Variants in CRK observed in about 807,000 individuals in gnomAD.
CRK encodes the protein adapter molecule crk.
A neutral mutation model predicts 29.8 loss-of-function variants in CRK; 4 were observed. The observed-to-expected ratio is 0.13, with a 90% CI of 0.07 to 0.31. The LOEUF (loss-of-function observed/expected upper bound fraction) is 0.31. Ranked by LOEUF, CRK falls within the 10% of genes least tolerant of loss-of-function variation. CRK has a pLI of 1.00. For missense variants in CRK, 274 were observed against 396.5 expected (o/e 0.69, Z 2.62); for synonymous variants, 153 against 164.9 (o/e 0.93, Z 0.55).
intron 2 of CRK, among the ~76,000 whole-genome samples, chr17:1,427,016 A>G (rs1598292708): frequency 8.6e-6 from 1 of 116,448 alleles, no homozygotes; most frequent in Non-Finnish European, 1.7e-5. Flanking sequence ...TGGGCGACAG[A>G]GCAAAACTGT....
At position 1,456,024 on chromosome 17, in the gene CRK, G is replaced by A; in HGVS notation, c.94C>T (p.His32Tyr). 1 of 1,597,278 alleles carries A rather than the reference G, an allele frequency of 6.3e-7. No individual in the cohort carries two copies. Among genetic ancestry groups the A allele is most frequent in the Non-Finnish European group, 8.5e-7 (1 of 1,173,822 alleles). ...EAVALLQGQR[H>Y]GVFLVRDSST... ...GAGTCCCGCACCAGGAACACCCCGT[G>A]CCGCTGGCCCTGCAGCAGCGCCACC... Residue 32 changes from histidine to tyrosine, a missense_variant, in exon 1 of 3, where the codon CAC becomes TAC. By Grantham distance (83) the His-to-Tyr change is moderately conservative. Around this residue, in one of 3 missense-constraint regions of CRK, gnomAD observed 135 missense variants for 180.9 expected, o/e 0.75. Transcript: ENST00000300574.
chr17:1,437,179 T>C (rs2073893182), intron 1 of CRK, 24 bp from the exon 2 acceptor site: 1 of 1,562,916 alleles, frequency 6.4e-7, no homozygotes, highest in South Asian at 1.2e-5. Context: ...AGCAGGCTGT[T>C]ATTTAATGAT....
At chr17:1,441,012 T>C (rs1196383636) in intron 1 of CRK, among the ~76,000 whole-genome samples, 1 of 151,988 alleles carries the variant, frequency 6.6e-6, no homozygotes, top group Non-Finnish European at 1.5e-5. Flanking sequence ...CTCAGCTGAG[T>C]GCAACCTCTA....
At chr17:1,444,366 C>T (rs2073957426) in intron 1 of CRK, among the ~76,000 whole-genome samples, 2 of 152,044 alleles carry the variant, frequency 1.3e-5, no homozygotes, top group South Asian at 4.1e-4. Flanking sequence ...CCCATCTCTA[C>T]CGAAAAAAAT....
At chr17:1,441,854 C>T (rs892894223) in intron 1 of CRK, among the ~76,000 whole-genome samples, 1 of 148,824 alleles carries the variant, frequency 6.7e-6, no homozygotes, top group Admixed American at 6.6e-5. Context: ...GCCCAGGCTG[C>T]GGTTTTGTTT....
chr17:1,451,527 C>A (rs1189872465), intron 1 of CRK, among the ~76,000 whole-genome samples: 1 of 152,002 alleles, frequency 6.6e-6, no homozygotes, highest in Admixed American at 6.6e-5. Flanking sequence ...CCACTGCGCC[C>A]GGCCTCTTCT....
rs750630731 is a variant in CRK, at chr17:1,456,058, C to A, written c.60G>T (p.Arg20=). 2.5e-6 allele frequency: 4 copies of A among 1,593,450 alleles called. No homozygotes were observed. The Admixed American group carries it at 5.1e-5, about 20-fold the overall frequency. ...CCTGCAGCAGCGCCACCGCCTCCTG[C>A]CGACTCAACCTCCCCCAGTACCAGC... The part of the protein sequence containing the change: ...RSSWYWGRLS[R]QEAVALLQGQ... The change falls in exon 1 of 3, where the codon CGG becomes CGT. Residue 20 remains arginine, a synonymous_variant. Transcript: ENST00000300574.
In CRK at chr17:1,423,362, T is replaced by G. The variant is rs61762271; in HGVS notation, c.*151A>C. ...TGAATATGGTAATTAAGACTAGGAA[T>G]GGAGCAGTTCAGTCTAAAAAATATC... On this transcript the variant is annotated 3_prime_UTR_variant, in exon 3 of 3. Coordinates refer to ENST00000300574, the MANE Select transcript of CRK (RefSeq NM_016823.4). 20,733 of 928,574 alleles carry G rather than the reference T, an allele frequency of 0.022. 551 individuals carry two copies. Among genetic ancestry groups the G allele is most frequent in the South Asian group, 0.1 (5,601 of 54,970 alleles). 57.5% of individuals were successfully genotyped at this position (928,574 alleles called of 1,614,324 possible). A position where few individuals can be genotyped will look rare whatever the true frequency, so the allele number is the denominator to read the frequency against.
Position 1,423,416 on chromosome 17 carries a change from G to T in CRK, c.*97C>A. ...GGTAACAGAATGCTTATATAAACTA[G>T]ACTGCTTTTGACATCTGTAAGAAAA... On this transcript the variant is annotated 3_prime_UTR_variant, in exon 3 of 3. Transcript: ENST00000300574. The T allele has an allele frequency of 7.0e-7, 1 of 1,436,802 alleles. No individual in the cohort carries two copies. The highest frequency in any genetic ancestry group is 9.4e-7 in the Non-Finnish European group (1 of 1,059,176). The allele number at this position is 1,436,802 out of a possible 1,614,324, so 89.0% of individuals were successfully genotyped here. A position where few individuals can be genotyped will look rare whatever the true frequency, so the allele number is the denominator to read the frequency against.
intron 1 of CRK, among the ~76,000 whole-genome samples, chr17:1,442,370 T>G (rs1432057513): frequency 6.6e-6 from 1 of 152,002 alleles, no homozygotes; most frequent in Non-Finnish European, 1.5e-5. Context: ...CACGCTGGTC[T>G]CAAACTCCTG....
At chr17:1,452,797 GAA>G (rs1301389169) in intron 1 of CRK, among the ~76,000 whole-genome samples, 3 of 98,046 alleles carry the variant, frequency 3.1e-5, no homozygotes. Context: ...GTCTCAAAAA[GAA>G]AAAAAAAAAA....
intron 1 of CRK, among the ~76,000 whole-genome samples, chr17:1,449,094 G>A (rs1220367297): frequency 1.3e-5 from 2 of 152,068 alleles, no homozygotes; most frequent in African/African-American, 2.4e-5. Flanking sequence ...CTACCTCGAG[G>A]GAGTATCACA....
chr17:1,424,850 C>T (rs867330399), intron 2 of CRK: 1 of 151,806 alleles, frequency 6.6e-6, no homozygotes, highest in Non-Finnish European at 1.5e-5. Flanking sequence ...ACCGTCTCTA[C>T]AAAAAATACA....
intron 1 of CRK, among the ~76,000 whole-genome samples, chr17:1,440,855 G>C (rs529470031): frequency 4.6e-5 from 7 of 152,192 alleles, no homozygotes; most frequent in Non-Finnish European, 7.3e-5. Flanking sequence ...CGTGAGTCGT[G>C]ATCATGCCAC....
chr17:1,437,418 G>GA (rs765178772), intron 1 of CRK, among the ~76,000 whole-genome samples: 44 of 151,848 alleles, frequency 2.9e-4, no homozygotes, highest in Non-Finnish European at 5.1e-4. Flanking sequence ...AAAAACTCTA[G>GA]AAAAAATAAC....
chr17:1,437,658 G>GTT (rs34172718), intron 1 of CRK, among the ~76,000 whole-genome samples: 1 of 142,444 alleles, frequency 7.0e-6, no homozygotes. Flanking sequence ...TCTGTTGCAT[G>GTT]TTTTTTTTTT....
At chr17:1,453,866 C>G (rs7502409) in intron 1 of CRK, among the ~76,000 whole-genome samples, 70,371 of 151,734 alleles carry the variant, frequency 0.46, 16,939 homozygotes, top group Non-Finnish European at 0.54. Context: ...TGAGATTGCA[C>G]CATCGCACTC....
At chr17:1,436,328 G>T (rs564494340) in intron 2 of CRK, among the ~76,000 whole-genome samples, 1 of 152,150 alleles carries the variant, frequency 6.6e-6, no homozygotes. Flanking sequence ...TGTAGATGAG[G>T]AAAAACATTT....
At chr17:1,440,810 G>A (rs2073929383) in intron 1 of CRK, among the ~76,000 whole-genome samples, 1 of 152,156 alleles carries the variant, frequency 6.6e-6, no homozygotes, top group African/African-American at 2.4e-5. Context: ...AAGCTGAGGT[G>A]GGAGAATCGC....
Sources: allele counts gnomAD v4.1 joint callset (sites outside exome capture counted in the v4.1 genomes callset), GRCh38; gene constraint gnomAD v4.1.1; regional missense constraint gnomAD v4.1.1; transcripts MANE v1.5; gene names NCBI Gene and HGNC (gene_info 2026-07-23, HGNC 2026-07-21).